Variants in PTPRD observed in about 807,000 individuals in gnomAD.
The protein encoded by PTPRD is receptor-type tyrosine-protein phosphatase delta.
In PTPRD, 34 loss-of-function variants were observed where a neutral mutation model predicts 214.5. That is an observed-to-expected ratio of 0.16 (90% CI 0.12 to 0.21). The LOEUF (loss-of-function observed/expected upper bound fraction) is 0.21. PTPRD is among the 10% of genes least tolerant of loss of function. The pLI is 1.00. For missense variants in PTPRD, 2,545 were observed against 2,398.7 expected (o/e 1.06, Z -1.27); for synonymous variants, 1,128 against 845.7 (o/e 1.33, Z -5.79).
intron 14 of PTPRD, among the ~76,000 whole-genome samples, chr9:8,601,929 G>A (rs941130637): frequency 6.6e-6 from 1 of 152,186 alleles, no homozygotes; most frequent in African/African-American, 2.4e-5. Context: ...GCCTGGAATG[G>A]ACCTCCAGTA....
intron 3 of PTPRD, among the ~76,000 whole-genome samples, chr9:10,144,571 C>T (rs947006646): frequency 6.6e-6 from 1 of 152,086 alleles, no homozygotes; most frequent in Non-Finnish European, 1.5e-5. Context: ...CTGCCACACT[C>T]TCATTAAAAC....
intron 2 of PTPRD, among the ~76,000 whole-genome samples, chr9:10,412,434 C>A (rs1409952873): frequency 6.6e-6 from 1 of 151,070 alleles, no homozygotes; most frequent in African/African-American, 2.4e-5. Context: ...AGCCTGCCAA[C>A]CAAAAAAAAA....
chr9:9,754,244 G>A (rs1346767813), intron 6 of PTPRD, among the ~76,000 whole-genome samples: 2 of 152,016 alleles, frequency 1.3e-5, no homozygotes, highest in Admixed American at 6.6e-5. Flanking sequence ...ATGACTTCCT[G>A]GTTCTAGTTT....
At chr9:9,019,605 C>G (rs1187463446) in intron 10 of PTPRD, among the ~76,000 whole-genome samples, 4 of 152,264 alleles carry the variant, frequency 2.6e-5, no homozygotes, top group African/African-American at 7.2e-5. Flanking sequence ...ACTCAGGAGG[C>G]TGAGGCAGGA....
chr9:8,956,811 C>T (rs2099133904), intron 11 of PTPRD, among the ~76,000 whole-genome samples: 1 of 151,868 alleles, frequency 6.6e-6, no homozygotes, highest in Non-Finnish European at 1.5e-5. Flanking sequence ...CATCATCTAT[C>T]TCAGTGAATC....
chr9:8,460,901 T>C (rs760665875), intron 32 of PTPRD, among the ~76,000 whole-genome samples: 8 of 152,054 alleles, frequency 5.3e-5, no homozygotes, highest in Admixed American at 2.0e-4. Flanking sequence ...ATTAACCAGT[T>C]GCAAAATGTT....
At chr9:8,809,553 C>T (rs141153349) in intron 11 of PTPRD, among the ~76,000 whole-genome samples, 136 of 152,264 alleles carry the variant, frequency 8.9e-4, no homozygotes, top group Middle Eastern at 3.4e-3. Context: ...GACTATTTTC[C>T]ACTTCTTAAA....
At chr9:10,589,558 A>G (rs1591557934) in intron 2 of PTPRD, among the ~76,000 whole-genome samples, 1 of 152,048 alleles carries the variant, frequency 6.6e-6, no homozygotes, top group South Asian at 2.1e-4. Context: ...AGGGGGAGAG[A>G]CAGACAGAGG....
chr9:8,466,795 T>C (rs1453156722), intron 31 of PTPRD, among the ~76,000 whole-genome samples: 5 of 151,870 alleles, frequency 3.3e-5, no homozygotes, highest in Admixed American at 3.3e-4. Context: ...ATTAAGATAC[T>C]TATGGAAACA....
chr9:8,474,557 A>C (rs2096725743), intron 30 of PTPRD, among the ~76,000 whole-genome samples: 1 of 152,204 alleles, frequency 6.6e-6, no homozygotes, highest in African/African-American at 2.4e-5. Flanking sequence ...ATTCATAATC[A>C]GCAACCCCAG....
At chr9:10,160,705 A>G (rs2099122468) in intron 3 of PTPRD, among the ~76,000 whole-genome samples, 1 of 151,966 alleles carries the variant, frequency 6.6e-6, no homozygotes, top group Non-Finnish European at 1.5e-5. Flanking sequence ...TATTTAACAC[A>G]GTACTGGAAG....
chr9:8,322,457 T>C (rs1829347835), intron 44 of PTPRD, among the ~76,000 whole-genome samples: 1 of 152,164 alleles, frequency 6.6e-6, no homozygotes, highest in East Asian at 1.9e-4. Flanking sequence ...AAGAAAGTTT[T>C]AAAGGCCTGC....
At chr9:9,549,163 G>C (rs2079567941) in intron 8 of PTPRD, among the ~76,000 whole-genome samples, 1 of 151,902 alleles carries the variant, frequency 6.6e-6, no homozygotes, top group African/African-American at 2.4e-5. Flanking sequence ...TAAAACTCGG[G>C]CTTAATCATT....
At chr9:8,418,833 C>T (rs1267107536) in intron 35 of PTPRD, among the ~76,000 whole-genome samples, 1 of 151,946 alleles carries the variant, frequency 6.6e-6, no homozygotes, top group African/African-American at 2.4e-5. Context: ...TCAAGTTGTA[C>T]AACTTGAACA....
chr9:8,886,017 C>T (rs937507078), intron 11 of PTPRD, among the ~76,000 whole-genome samples: 2 of 152,112 alleles, frequency 1.3e-5, no homozygotes, highest in Non-Finnish European at 2.9e-5. Flanking sequence ...TTTACTATGA[C>T]ACACCTTTAT....
At chr9:9,945,737 C>T (rs952534335) in intron 4 of PTPRD, among the ~76,000 whole-genome samples, 9 of 152,054 alleles carry the variant, frequency 5.9e-5, no homozygotes, top group African/African-American at 2.2e-4. Flanking sequence ...ATAAATAGAA[C>T]ACTTCTGAAA....
Position 10,527,739 on chromosome 9 carries a change from C to T in PTPRD, c.-600+84659G>A, listed in dbSNP as rs1298343032. Among the ~76,000 whole-genome samples, 3 of 152,068 alleles carry T rather than the reference C, an allele frequency of 2.0e-5. No homozygotes were observed. In the East Asian group the frequency reaches 5.8e-4, roughly 29 times the overall value. On this transcript the variant is annotated intron_variant, in intron 2 of 45. Coordinates refer to ENST00000381196, the MANE Select transcript of PTPRD (RefSeq NM_002839.4). ...CGTTAACACTAACTAGAATGATTTGCTTTCTAAGTTTATGTAACAAGTAGA... is the reference window on the plus strand; with the variant it reads ...CGTTAACACTAACTAGAATGATTTGTTTTCTAAGTTTATGTAACAAGTAGA...
intron 6 of PTPRD, among the ~76,000 whole-genome samples, chr9:9,759,828 A>T (rs2098635524): frequency 6.6e-6 from 1 of 152,106 alleles, no homozygotes; most frequent in Non-Finnish European, 1.5e-5. Context: ...AAGTGCTGAG[A>T]TTACAGGCAT....
intron 10 of PTPRD, among the ~76,000 whole-genome samples, chr9:9,115,430 G>A (rs868779588): frequency 6.6e-6 from 1 of 151,994 alleles, no homozygotes; most frequent in Non-Finnish European, 1.5e-5. Flanking sequence ...CGCAAGGAGA[G>A]ACCACCTTAC....
Sources: allele counts gnomAD v4.1 joint callset (sites outside exome capture counted in the v4.1 genomes callset), GRCh38; gene constraint gnomAD v4.1.1; transcripts MANE v1.5; gene names NCBI Gene and HGNC (gene_info 2026-07-23, HGNC 2026-07-21).